The following SCAF8 variants were observed in gnomAD, a reference collection of about 807,000 sequenced individuals.
The protein encoded by SCAF8 is SR-related CTD associated factor 8, also known as SR-related and CTD-associated factor 8.
Under a neutral mutation model 140.5 loss-of-function variants are expected in SCAF8, and 23 were observed. That is an observed-to-expected ratio of 0.16 (90% CI 0.12 to 0.23). The LOEUF (loss-of-function observed/expected upper bound fraction) is 0.23. SCAF8 is among the 10% of genes least tolerant of loss of function. The probability of loss-of-function intolerance (pLI) is 1.00; values close to 1 mark genes in which losing one functional copy is unlikely to be tolerated. For synonymous variants in SCAF8, 575 were observed against 528.9 expected, an observed-to-expected ratio of 1.09 and a Z score of -1.20; for missense variants, 1,397 against 1,555.7, an observed-to-expected ratio of 0.90 and a Z score of 1.72.
intron 12 of SCAF8, among the ~76,000 whole-genome samples, chr6:154,814,179 G>A (rs781223605): frequency 1.3e-5 from 2 of 152,174 alleles, no homozygotes; most frequent in Non-Finnish European, 2.9e-5. Context: ...ACAAAAATTA[G>A]CTGAGCATGA....
intron 1 of SCAF8, among the ~76,000 whole-genome samples, chr6:154,769,162 A>T (rs959096315): frequency 1.3e-5 from 2 of 152,134 alleles, no homozygotes; most frequent in South Asian, 2.1e-4. Flanking sequence ...CATTTGAAAC[A>T]TAATGTATTA....
At chr6:154,779,709 C>G (rs923471303) in intron 3 of SCAF8, among the ~76,000 whole-genome samples, 1 of 151,916 alleles carries the variant, frequency 6.6e-6, no homozygotes, top group African/African-American at 2.4e-5. Flanking sequence ...TGCTATTACC[C>G]TGTTTAAATC....
intron 2 of SCAF8, among the ~76,000 whole-genome samples, chr6:154,776,862 TAAA>T (rs1352057805): frequency 6.6e-6 from 1 of 152,182 alleles, no homozygotes; most frequent in Admixed American, 6.5e-5. Context: ...GGAATGTCCT[TAAA>T]AAGCATAATT....
intron 10 of SCAF8, 49 bp downstream of exon 10, chr6:154,808,250 G>T (rs1245501282): frequency 6.5e-7 from 1 of 1,547,774 alleles, no homozygotes; most frequent in South Asian, 1.1e-5. Context: ...AGTAGCTAAA[G>T]AAATCATAAA....
At position 154,833,551 on chromosome 6, in the gene SCAF8, A is replaced by G; in HGVS notation, c.*156A>G. On this transcript the variant is annotated 3_prime_UTR_variant, in exon 20 of 20. Coordinates refer to ENST00000367178, the MANE Select transcript of SCAF8 (RefSeq NM_014892.5). ...TTCTCTTAAAATAATTGTACAACTG[A>G]CTTGTATAGACATTGTTCTTAATAT... is the stretch of plus-strand genomic sequence containing the variant. 1 of 683,608 alleles carries G rather than the reference A, an allele frequency of 1.5e-6. No individual in the cohort carries two copies. The highest frequency in any genetic ancestry group is 2.2e-5 in the South Asian group (1 of 45,130). 42.3% of individuals were successfully genotyped at this position (683,608 alleles called of 1,614,324 possible).
chr6:154,824,287 T>C lies in SCAF8; in HGVS notation c.1980T>C (p.Pro660=). The change falls in exon 17 of 20, where the codon CCT becomes CCC. Residue 660 remains proline (P), a synonymous_variant. Coordinates refer to ENST00000367178, the MANE Select transcript of SCAF8 (RefSeq NM_014892.5). Reference sequence around the variant, plus strand: ...TTAGTTTAGTCCCACCAGCATTTCCTGTGTCGATGCCGGTTCCTCCTCCTG... The same window carrying C: ...TTAGTTTAGTCCCACCAGCATTTCCCGTGTCGATGCCGGTTCCTCCTCCTG... ...PTVSLVPPAF[P]VSMPVPPPGF... is the part of the protein sequence containing the mutation. The C allele has an allele frequency of 6.2e-7, 1 of 1,614,076 alleles. No homozygotes were observed. The highest frequency in any genetic ancestry group is 1.1e-5 in the South Asian group (1 of 91,082).
intron 1 of SCAF8, among the ~76,000 whole-genome samples, chr6:154,768,157 T>TA (rs1287831558): frequency 2.0e-5 from 3 of 152,308 alleles, no homozygotes; most frequent in Admixed American, 6.5e-5. Context: ...CAGTGGTCCT[T>TA]ATAGGCCAGA....
At chr6:154,826,369 CA>C (rs1182106340) in intron 17 of SCAF8, among the ~76,000 whole-genome samples, 13 of 151,790 alleles carry the variant, frequency 8.6e-5, no homozygotes, top group African/African-American at 3.1e-4. Context: ...TTAAAATGTA[CA>C]AAAGGTATAT....
chr6:154,789,816 A>AT (rs1777362214), intron 4 of SCAF8, among the ~76,000 whole-genome samples: 1 of 152,218 alleles, frequency 6.6e-6, no homozygotes, highest in African/African-American at 2.4e-5. Flanking sequence ...AAGTGCTGGG[A>AT]TTACAGGCGT....
At chr6:154,789,087 A>T (rs978734882) in intron 4 of SCAF8, among the ~76,000 whole-genome samples, 1 of 152,146 alleles carries the variant, frequency 6.6e-6, no homozygotes, top group South Asian at 2.1e-4. Flanking sequence ...AAATCTTGTT[A>T]TAATGGATAG....
chr6:154,779,543 A>C (rs1463100634), intron 3 of SCAF8, among the ~76,000 whole-genome samples: 2 of 152,132 alleles, frequency 1.3e-5, no homozygotes, highest in Non-Finnish European at 2.9e-5. Flanking sequence ...TTTATGGATA[A>C]ATGCTTGTTG....
chr6:154,793,859 C>G (rs1777501715), intron 5 of SCAF8, among the ~76,000 whole-genome samples: 1 of 149,410 alleles, frequency 6.7e-6, no homozygotes, highest in African/African-American at 2.5e-5. Flanking sequence ...ATCATAGTTC[C>G]AAGAATTAAA....
intron 7 of SCAF8, 129 bp from the exon 8 acceptor site, chr6:154,803,415 A>T (rs1777825944): frequency 2.9e-6 from 2 of 698,648 alleles, no homozygotes; most frequent in South Asian, 3.3e-5. Flanking sequence ...GTATAAAGTG[A>T]TACAAAATGT....
intron 18 of SCAF8, among the ~76,000 whole-genome samples, chr6:154,829,833 G>A (rs2114695041): frequency 6.6e-6 from 1 of 152,326 alleles, no homozygotes; most frequent in South Asian, 2.1e-4. Flanking sequence ...CTTGAACCCA[G>A]GAGGTGGAGG....
rs151098730 is a variant in SCAF8, at chr6:154,832,148, A to G, written c.2569A>G (p.Ile857Val). 6.8e-6 allele frequency: 11 copies of G among 1,613,992 alleles called. No homozygotes were observed. The highest frequency in any genetic ancestry group is 1.7e-5 in the Admixed American group (1 of 59,996). The change falls in exon 20 of 20, where the codon ATA becomes GTA. Residue 857 changes from isoleucine (I) to valine (V), a missense_variant. By Grantham distance (29) the Ile-to-Val change is conservative (BLOSUM62 3). Coordinates refer to ENST00000367178, the MANE Select transcript of SCAF8 (RefSeq NM_014892.5). ...TCTAAATAACTCTGGAATATTGGGA[A>G]TACAGCCACCCAGTGTGTCAAATAG... ...NILNNSGILG[I>V]QPPSVSNSSG...
intron 12 of SCAF8, among the ~76,000 whole-genome samples, chr6:154,813,366 A>G (rs1357098231): frequency 1.3e-5 from 2 of 152,178 alleles, no homozygotes; most frequent in Non-Finnish European, 2.9e-5. Flanking sequence ...TACTAAAAAT[A>G]AAAACTTAGC....
In SCAF8 at chr6:154,795,019, G is replaced by A. The variant is rs1302806455; in HGVS notation, c.486G>A (p.Val162=). The change falls in exon 6 of 20, where the codon GTG becomes GTA. Residue 162 remains valine (V), a synonymous_variant. Coordinates refer to ENST00000367178, the MANE Select transcript of SCAF8 (RefSeq NM_014892.5). ...TGTTCTTTTTAAAAGGAACTCCTGT[G>A]ACACCTGTTACTCCGGCCAATGTGG... ...TAMSNTPGTP[V]TPVTPANVVQ... 1.9e-6 allele frequency: 3 copies of A among 1,601,862 alleles called. No individual in the cohort carries two copies. The African/African-American group carries it at 4.1e-5, about 22-fold the overall frequency.
intron 1 of SCAF8, among the ~76,000 whole-genome samples, chr6:154,771,089 G>A (rs542531136): frequency 7.2e-5 from 11 of 152,114 alleles, no homozygotes; most frequent in East Asian, 5.8e-4. Flanking sequence ...AGGAACTTGC[G>A]TCCTTTGTCT....
At chr6:154,796,353 T>TTCTCTCTCTCTCTCTCTC (rs532893908) in intron 6 of SCAF8, among the ~76,000 whole-genome samples, 8 of 75,246 alleles carry the variant, frequency 1.1e-4, no homozygotes, top group East Asian at 1.1e-3. Context: ...TGCAATCCTG[T>TTCTCTCTCTCTCTCTCTC]TCTCTCTCTC....
Sources: allele counts gnomAD v4.1 joint callset (sites outside exome capture counted in the v4.1 genomes callset), GRCh38; gene constraint gnomAD v4.1.1; transcripts MANE v1.5; gene names NCBI Gene and HGNC (gene_info 2026-07-23, HGNC 2026-07-21).